The following ASAP2 variants were observed in gnomAD, a reference collection of about 807,000 sequenced individuals.
ASAP2 encodes arf-GAP with SH3 domain, ANK repeat and PH domain-containing protein 2.
Under a neutral mutation model 131.4 loss-of-function variants are expected in ASAP2, and 45 were observed. The observed-to-expected ratio is 0.34, with a 90% CI of 0.27 to 0.44. ASAP2 has a LOEUF of 0.44. Ranked by LOEUF, ASAP2 falls within the 20% of genes least tolerant of loss-of-function variation. The probability of loss-of-function intolerance (pLI) is 1.00; values close to 1 mark genes in which losing one functional copy is unlikely to be tolerated. For missense variants in ASAP2, 1,011 were observed against 1,297.0 expected, an observed-to-expected ratio of 0.78 and a Z score of 3.39; for synonymous variants, 510 against 503.0, an observed-to-expected ratio of 1.01 and a Z score of -0.19.
intron 20 of ASAP2, among the ~76,000 whole-genome samples, chr2:9,381,662 A>G (rs1256640594): frequency 6.6e-6 from 1 of 152,222 alleles, no homozygotes; most frequent in Non-Finnish European, 1.5e-5. Context: ...CTTTGAGACC[A>G]GGAGTTCAAA....
chr2:9,318,547 C>T lies in ASAP2; in HGVS notation c.369C>T (p.Ile123=). The change falls in exon 4 of 28, where the codon ATC becomes ATT. Residue 123 remains isoleucine (I), a synonymous_variant. Transcript: ENST00000281419. ...KNLIQNMNNI[I]SFPLDSLLKG... is the part of the protein sequence containing the mutation. ...AGATTCAGAATATGAACAACATAAT[C>T]TCCTTCCCTTTGGACAGTTTGCTGA... 1 of 1,613,458 alleles carries T rather than the reference C, an allele frequency of 6.2e-7. No individual in the cohort carries two copies. Among genetic ancestry groups the T allele is most frequent in the Non-Finnish European group, 8.5e-7 (1 of 1,179,536 alleles).
chr2:9,334,722 T>C lies in ASAP2; in HGVS notation c.687-16T>C. 6.2e-7 allele frequency: 1 copy of C among 1,608,492 alleles called. No individual in the cohort carries two copies. The highest frequency in any genetic ancestry group is 8.5e-7 in the Non-Finnish European group (1 of 1,176,942). On this transcript the variant is annotated splice_polypyrimidine_tract_variant and intron_variant, in intron 7 of 27. Coordinates refer to ENST00000281419, the MANE Select transcript of ASAP2 (RefSeq NM_003887.3). ...CTTTGTGAAATGTCATCTCTGTTTC[T>C]TCTTTTTCCTGCTAGTTTTTTTCAG...
chr2:9,388,306 C>A lies in ASAP2; in HGVS notation c.2143C>A (p.Arg715=). The change falls in exon 22 of 28, where the codon CGG becomes AGG. Residue 715 remains arginine, a synonymous_variant. Transcript: ENST00000281419. Reference sequence around the variant, plus strand: ...TGTTCTCCTGCAGCCCAGTCCCAACCGGCGGGAAGACCGGCCCATCAGCTT... The same window carrying A: ...TGTTCTCCTGCAGCCCAGTCCCAACAGGCGGGAAGACCGGCCCATCAGCTT... ...MDEKLQPSPN[R]REDRPISFYQ... 1 of 1,614,026 alleles carries A rather than the reference C, an allele frequency of 6.2e-7. No homozygotes were observed. The highest frequency in any genetic ancestry group is 8.5e-7 in the Non-Finnish European group (1 of 1,180,020).
At chr2:9,233,039 T>G (rs1196078489) in intron 1 of ASAP2, among the ~76,000 whole-genome samples, 2 of 152,206 alleles carry the variant, frequency 1.3e-5, no homozygotes, top group African/African-American at 4.8e-5. Context: ...TGGAGAATGC[T>G]GCCAGTCTGT....
chr2:9,274,884 A>G (rs1412924985), intron 1 of ASAP2, among the ~76,000 whole-genome samples: 1 of 152,186 alleles, frequency 6.6e-6, no homozygotes, highest in Non-Finnish European at 1.5e-5. Flanking sequence ...TAACAAAGGT[A>G]GAAGATTCCA....
chr2:9,402,427 C>A (rs1414425136), intron 27 of ASAP2, among the ~76,000 whole-genome samples: 1 of 152,140 alleles, frequency 6.6e-6, no homozygotes. Context: ...GTCAGGAGTT[C>A]GAGACCAGCC....
At chr2:9,242,484 C>T (rs1221093689) in intron 1 of ASAP2, among the ~76,000 whole-genome samples, 1 of 152,246 alleles carries the variant, frequency 6.6e-6, no homozygotes, top group Non-Finnish European at 1.5e-5. Flanking sequence ...ACTCTAGCTG[C>T]TGTGTCTAGC....
rs954864345 is a variant in ASAP2 at position 9,389,329 on chromosome 2, G to A, written c.2383+783G>A. 1.3e-5 allele frequency among the ~76,000 whole-genome samples: 2 copies of A among 151,770 alleles called. No individual in the cohort carries two copies. The highest frequency in any genetic ancestry group is 2.9e-5 in the Non-Finnish European group (2 of 68,022). On this transcript the variant is annotated intron_variant, in intron 22 of 27. Coordinates refer to ENST00000281419, the MANE Select transcript of ASAP2 (RefSeq NM_003887.3). This position sits in a 1 kb window ranked among gnomAD's most constrained non-coding sequence, Gnocchi z 4.7. ...GGCTGCTGAGACTTTGATGCGGGGC[G>A]GGGGGCCCAGGAAGGACAAGAGTCT...
intron 11 of ASAP2, among the ~76,000 whole-genome samples, chr2:9,345,084 G>A (rs972260740): frequency 6.6e-6 from 1 of 151,900 alleles, no homozygotes; most frequent in Non-Finnish European, 1.5e-5. Context: ...AGCAGAGTCA[G>A]GAGTAACTGA....
intron 1 of ASAP2, among the ~76,000 whole-genome samples, chr2:9,223,232 A>G (rs1662550043): frequency 6.6e-6 from 1 of 152,214 alleles, no homozygotes; most frequent in South Asian, 2.1e-4. Context: ...GAAGGAGCTT[A>G]ATTTTGGAAG....
At chr2:9,375,282 C>CA (rs112027475) in intron 17 of ASAP2, among the ~76,000 whole-genome samples, 27,370 of 149,374 alleles carry the variant, frequency 0.18, 3,872 homozygotes, top group African/African-American at 0.41. Flanking sequence ...GACCTTGTCT[C>CA]AAAAAAAAAG....
intron 25 of ASAP2, 99 bp from the exon 26 acceptor site, chr2:9,400,643 G>A: frequency 8.9e-7 from 1 of 1,126,980 alleles, no homozygotes; most frequent in Non-Finnish European, 1.3e-6. Context: ...AACACCTGGG[G>A]AAACCTGCTT....
chr2:9,307,454 G>A (rs1669017854), intron 3 of ASAP2, among the ~76,000 whole-genome samples: 2 of 152,218 alleles, frequency 1.3e-5, no homozygotes, highest in African/African-American at 4.8e-5. Flanking sequence ...ATTTCTGGTT[G>A]ATGGCTTCAG....
intron 23 of ASAP2, 98 bp downstream of exon 23, chr2:9,391,294 G>T: frequency 6.8e-7 from 1 of 1,478,682 alleles, no homozygotes. Flanking sequence ...GCACAGACAC[G>T]TGCCAAGTGC....
chr2:9,241,045 T>C (rs1355442120), intron 1 of ASAP2, among the ~76,000 whole-genome samples: 2 of 152,240 alleles, frequency 1.3e-5, no homozygotes, highest in African/African-American at 4.8e-5. Context: ...ATTTAAAAGT[T>C]ATGAATTGCT....
At chr2:9,264,137 A>G (rs1200169635) in intron 1 of ASAP2, among the ~76,000 whole-genome samples, 1 of 151,704 alleles carries the variant, frequency 6.6e-6, no homozygotes, top group African/African-American at 2.4e-5. Context: ...GGTTGCAGTG[A>G]GCCAAGATCA....
intron 3 of ASAP2, among the ~76,000 whole-genome samples, chr2:9,308,808 G>A (rs1202421831): frequency 3.9e-5 from 6 of 152,170 alleles, no homozygotes; most frequent in Admixed American, 6.5e-5. Flanking sequence ...CAAAATGGGG[G>A]TCACGGCACA....
At position 9,320,571 on chromosome 2, in the gene ASAP2, T is replaced by A. The variant is rs971107946; in HGVS notation, c.470+234T>A. On this transcript the variant is annotated intron_variant, in intron 5 of 27. Coordinates refer to ENST00000281419, the MANE Select transcript of ASAP2 (RefSeq NM_003887.3). ...AAGATGTCATAGTGGTTATAGGATG[T>A]TATTTTCAGGAAAGTTCATTGAGGG... Among the ~76,000 whole-genome samples the A allele has an allele frequency of 2.6e-5, 4 of 152,344 alleles. No homozygotes were observed. The South Asian group carries it at 8.3e-4, about 32-fold the overall frequency.
intron 3 of ASAP2, among the ~76,000 whole-genome samples, chr2:9,299,646 A>G (rs1319733150): frequency 6.6e-6 from 1 of 152,232 alleles, no homozygotes; most frequent in Non-Finnish European, 1.5e-5. Context: ...CAGGGGGCCT[A>G]GAAAGCAGCC....
Sources: gnomAD v4.1 joint callset for allele counts (sites outside exome capture counted in the v4.1 genomes callset) on GRCh38, gnomAD v4.1.1 for gene constraint, Gnocchi (gnomAD v3.1) non-coding constraint, MANE v1.5 for transcripts, NCBI Gene and HGNC (gene_info 2026-07-23, HGNC 2026-07-21) for gene names.